Variants in SNX30 observed in about 807,000 individuals in gnomAD.
SNX30 encodes sorting nexin family member 30, also known as sorting nexin-30.
In SNX30, 24 loss-of-function variants were observed where a neutral mutation model predicts 46.4. The observed-to-expected ratio is 0.52, with a 90% confidence interval of 0.37 to 0.73. SNX30 has a LOEUF of 0.73. SNX30 is among the 30% of genes least tolerant of loss of function. The probability of loss-of-function intolerance (pLI) is 0.00; values close to 1 mark genes in which losing one functional copy is unlikely to be tolerated. For synonymous variants in SNX30, 189 were observed against 211.5 expected (o/e 0.89, Z 0.92); for missense variants, 533 against 555.7 (o/e 0.96, Z 0.41).
chr9:112,761,756 G>A (rs1839440348), intron 1 of SNX30, among the ~76,000 whole-genome samples: 1 of 152,118 alleles, frequency 6.6e-6, no homozygotes, highest in Non-Finnish European at 1.5e-5. Context: ...TTCAAGTCAG[G>A]CATTCAGGAC....
At chr9:112,755,223 T>C (rs1159391218) in intron 1 of SNX30, among the ~76,000 whole-genome samples, 1 of 152,124 alleles carries the variant, frequency 6.6e-6, no homozygotes. Context: ...GCAGGCCTTG[T>C]TGAGTACTTG....
chr9:112,827,974 A>T (rs1840603311), intron 3 of SNX30, among the ~76,000 whole-genome samples: 1 of 152,240 alleles, frequency 6.6e-6, no homozygotes, highest in Non-Finnish European at 1.5e-5. Context: ...CAGCATTGTT[A>T]GTAGGGCTAT....
chr9:112,817,617 T>G, intron 2 of SNX30, 88 bp from the exon 3 acceptor site: 1 of 753,900 alleles, frequency 1.3e-6, no homozygotes, highest in Non-Finnish European at 2.3e-6. Context: ...TCTTGCCTAG[T>G]TTGGTTATTC....
chr9:112,760,847 G>T (rs890635180), intron 1 of SNX30, among the ~76,000 whole-genome samples: 1 of 152,192 alleles, frequency 6.6e-6, no homozygotes, highest in Non-Finnish European at 1.5e-5. Flanking sequence ...CTAGCTGGGG[G>T]TATGTCTGCA....
At chr9:112,828,067 T>C (rs556681479) in intron 3 of SNX30, among the ~76,000 whole-genome samples, 1 of 152,350 alleles carries the variant, frequency 6.6e-6, no homozygotes, top group African/African-American at 2.4e-5. Flanking sequence ...GTCAGTTATA[T>C]AGTGCGTGAC....
At chr9:112,866,990 T>C (rs368744766) in intron 8 of SNX30, among the ~76,000 whole-genome samples, 127 of 1,362 alleles carry the variant, frequency 0.093, 2 homozygotes, top group African/African-American at 0.11. Flanking sequence ...CAGAATTCCT[T>C]CTCCCTCCTC....
chr9:112,754,113 C>T (rs950658504), intron 1 of SNX30, among the ~76,000 whole-genome samples: 2 of 152,204 alleles, frequency 1.3e-5, no homozygotes, highest in African/African-American at 4.8e-5. Flanking sequence ...GAAGGTTTGA[C>T]AGGCTGGTCA....
chr9:112,832,457 AGAGTGTGTGTGT>A lies in SNX30; in HGVS notation c.618+1576_618+1587del, dbSNP rs1293051528. Among the ~76,000 whole-genome samples, 93 of 112,390 alleles carry A rather than the reference AGAGTGTGTGTGT, an allele frequency of 8.3e-4. 1 individual carries two copies. Among genetic ancestry groups the A allele is most frequent in the African/African-American group, 3.5e-3 (82 of 23,586 alleles). The allele number at this position is 112,390 out of a possible 152,430, so 73.7% of individuals were successfully genotyped here. ...GAGAGAGAGAGAGAGAGAGAGAGAG[AGAGTGTGTGTGT>A]GTGTGTGTGTGTGTGTGTGTGTGTG... On this transcript the variant is annotated intron_variant, in intron 4 of 8. Transcript: ENST00000374232.
At chr9:112,844,999 G>A (rs1197429206) in intron 6 of SNX30, among the ~76,000 whole-genome samples, 14 of 152,074 alleles carry the variant, frequency 9.2e-5, no homozygotes, top group Admixed American at 7.9e-4. Context: ...CCCCTTTCCT[G>A]AACAAAAGAG....
intron 3 of SNX30, among the ~76,000 whole-genome samples, chr9:112,825,659 C>G (rs1369268875): frequency 6.6e-6 from 1 of 151,888 alleles, no homozygotes; most frequent in Admixed American, 6.6e-5. Flanking sequence ...TGTAAGTCCA[C>G]TCCCCTTTTT....
chr9:112,776,728 A>G (rs183682176), intron 1 of SNX30, among the ~76,000 whole-genome samples: 251 of 152,348 alleles, frequency 1.6e-3, no homozygotes, highest in Non-Finnish European at 2.6e-3. Flanking sequence ...GGGGTGGGGT[A>G]AGTCTGAGAC....
At chr9:112,766,462 G>A (rs192060405) in intron 1 of SNX30, among the ~76,000 whole-genome samples, 1 of 152,144 alleles carries the variant, frequency 6.6e-6, no homozygotes, top group Non-Finnish European at 1.5e-5. Context: ...CAATACGATG[G>A]CGTTAAGTAC....
chr9:112,760,770 G>C (rs1305557626), intron 1 of SNX30, among the ~76,000 whole-genome samples: 1 of 152,200 alleles, frequency 6.6e-6, no homozygotes, highest in Non-Finnish European at 1.5e-5. Context: ...CTTAAAATAT[G>C]ACTTGAAAAT....
chr9:112,770,370 A>G (rs1318258224), intron 1 of SNX30, among the ~76,000 whole-genome samples: 1 of 151,688 alleles, frequency 6.6e-6, no homozygotes, highest in Non-Finnish European at 1.5e-5. Flanking sequence ...ATGGGGTTTC[A>G]CCATGTTGGC....
At chr9:112,813,326 A>C (rs1460121430) in intron 2 of SNX30, among the ~76,000 whole-genome samples, 3 of 151,974 alleles carry the variant, frequency 2.0e-5, no homozygotes, top group Non-Finnish European at 4.4e-5. Context: ...AAAAACCACC[A>C]AAAATCAGCC....
At chr9:112,830,417 C>T (rs535105148) in intron 3 of SNX30, among the ~76,000 whole-genome samples, 2 of 151,950 alleles carry the variant, frequency 1.3e-5, no homozygotes, top group Admixed American at 1.3e-4. Context: ...CTTGCCATAA[C>T]TTTTCCATCA....
At chr9:112,810,428 T>C (rs1330781819) in intron 2 of SNX30, among the ~76,000 whole-genome samples, 3 of 152,048 alleles carry the variant, frequency 2.0e-5, no homozygotes, top group Non-Finnish European at 4.4e-5. Flanking sequence ...CATTTAGATA[T>C]TGCTGTAAGT....
chr9:112,866,836 TCCTCAGAA>T, intron 8 of SNX30, among the ~76,000 whole-genome samples: 1 of 112,298 alleles, frequency 8.9e-6, no homozygotes, highest in Non-Finnish European at 1.8e-5. Context: ...TCCTCCCACC[TCCTCAGAA>T]CTCCTCCCAC....
In SNX30 at chr9:112,868,989, C is replaced by A; in HGVS notation, c.*146C>A. 1 of 765,334 alleles carries A rather than the reference C, an allele frequency of 1.3e-6. No individual in the cohort carries two copies. The highest frequency in any genetic ancestry group is 2.2e-6 in the Non-Finnish European group (1 of 448,104). The allele number at this position is 765,334 out of a possible 1,614,324, so 47.4% of individuals were successfully genotyped here. On this transcript the variant is annotated 3_prime_UTR_variant, in exon 9 of 9. Transcript: ENST00000374232. Reference sequence around the variant, plus strand: ...GTGTATTTTTCCCTCCCCCACCTTTCACCCCACAGTGGTTTTCAATTAGTA... The same window carrying A: ...GTGTATTTTTCCCTCCCCCACCTTTAACCCCACAGTGGTTTTCAATTAGTA...
Sources: allele counts gnomAD v4.1 joint callset (sites outside exome capture counted in the v4.1 genomes callset), GRCh38; gene constraint gnomAD v4.1.1; transcripts MANE v1.5; gene names NCBI Gene and HGNC (gene_info 2026-07-23, HGNC 2026-07-21).